MUSK: variants seen among roughly 807,000 people sequenced by gnomAD.
MUSK encodes muscle, skeletal receptor tyrosine-protein kinase.
Under a neutral mutation model 88.7 loss-of-function variants are expected in MUSK, and 55 were observed. The ratio of observed to expected loss-of-function variants is 0.62; its 90% CI spans 0.50 to 0.78. The LOEUF (loss-of-function observed/expected upper bound fraction) is 0.78, where lower values mean the gene tolerates loss of function less well. MUSK is among the 30% of genes least tolerant of loss of function. The pLI is 0.00. For synonymous variants in MUSK, 387 were observed against 391.9 expected (o/e 0.99, Z 0.15); for missense variants, 1,015 against 1,074.3 (o/e 0.94, Z 0.77).
chr9:110,781,546 G>T (rs897129261), intron 11 of MUSK, among the ~76,000 whole-genome samples: 1 of 152,154 alleles, frequency 6.6e-6, no homozygotes, highest in Non-Finnish European at 1.5e-5. Flanking sequence ...AAAGTGCTGG[G>T]ATTACAGGCG....
chr9:110,782,848 C>T (rs184615166), intron 11 of MUSK, among the ~76,000 whole-genome samples: 2 of 152,286 alleles, frequency 1.3e-5, no homozygotes, highest in South Asian at 4.1e-4. Flanking sequence ...ATGAGGCATG[C>T]TGTCACTGAT....
chr9:110,676,364 T>TATATATTATATA (rs777356764), intron 1 of MUSK, among the ~76,000 whole-genome samples: 301 of 124,354 alleles, frequency 2.4e-3, no homozygotes, highest in African/African-American at 7.7e-3. Flanking sequence ...TATTATATAT[T>TATATATTATATA]ATATATGTGT....
At chr9:110,689,917 ATATT>A (rs1397074100) in intron 3 of MUSK, among the ~76,000 whole-genome samples, 1 of 72,906 alleles carries the variant, frequency 1.4e-5, no homozygotes, top group Non-Finnish European at 2.6e-5. Context: ...ATAAAAATAC[ATATT>A]TAAATATAAT....
chr9:110,775,992 A>T (rs1439054857), intron 10 of MUSK, 29 bp downstream of exon 10: 1 of 1,557,488 alleles, frequency 6.4e-7, no homozygotes, highest in Admixed American at 2.0e-5. Flanking sequence ...AAGACTTTGG[A>T]GGTTAAGAGA....
chr9:110,690,066 G>GTAAGTATAAATATATAAATATATATTATA (rs1564218979), intron 3 of MUSK, among the ~76,000 whole-genome samples: 2 of 86,010 alleles, frequency 2.3e-5, no homozygotes, highest in South Asian at 8.1e-4. Context: ...TATATATTAT[G>GTAAGTATAAATATATAAATATATATTATA]TAAGTATAAA....
chr9:110,711,459 G>A (rs1277481333), intron 5 of MUSK, among the ~76,000 whole-genome samples: 1 of 152,148 alleles, frequency 6.6e-6, no homozygotes, highest in Non-Finnish European at 1.5e-5. Context: ...GGTTGTAAGG[G>A]AGGTCACTTT....
chr9:110,797,005 T>C (rs1430538706), intron 14 of MUSK, among the ~76,000 whole-genome samples: 1 of 57,988 alleles, frequency 1.7e-5, no homozygotes, highest in African/African-American at 7.8e-5. Context: ...TTGGGAGATA[T>C]ACCTAATGCT....
At chr9:110,679,943 T>G (rs2076086398) in intron 1 of MUSK, among the ~76,000 whole-genome samples, 1 of 152,148 alleles carries the variant, frequency 6.6e-6, no homozygotes, top group Admixed American at 6.6e-5. Flanking sequence ...AAATTTGTGA[T>G]TTTTTAATAT....
At chr9:110,764,603 T>TAGATTAGATAGATAGA (rs143325894) in intron 8 of MUSK, among the ~76,000 whole-genome samples, 37 of 149,004 alleles carry the variant, frequency 2.5e-4, no homozygotes, top group Admixed American at 3.3e-4. Context: ...GATAGATAGA[T>TAGATTAGATAGATAGA]TAGATAGATA....
intron 13 of MUSK, among the ~76,000 whole-genome samples, chr9:110,786,735 A>G (rs2821144): frequency 0.11 from 16,637 of 152,214 alleles, 2,215 homozygotes; most frequent in African/African-American, 0.32. Flanking sequence ...ATTAGGGCCA[A>G]TATTAGCCTA....
At chr9:110,786,355 A>G (rs923743022) in intron 13 of MUSK, among the ~76,000 whole-genome samples, 1 of 151,762 alleles carries the variant, frequency 6.6e-6, no homozygotes, top group Non-Finnish European at 1.5e-5. Flanking sequence ...AATTCTTTAC[A>G]TCATTAACCT....
rs2078158441 is a variant in MUSK, at chr9:110,806,097, T to C, written c.*5109T>C. ...TCATCTCTAGTCCCAGCCTAAGTGC[T>C]AACCACTTCACCCATTTATAGTGTT... On this transcript the variant is annotated 3_prime_UTR_variant, in exon 15 of 15. Coordinates refer to ENST00000374448, the MANE Select transcript of MUSK (RefSeq NM_005592.4). Among the ~76,000 whole-genome samples the C allele has an allele frequency of 6.6e-6, 1 of 152,172 alleles. No homozygotes were observed. The highest frequency in any genetic ancestry group is 2.1e-4 in the South Asian group (1 of 4,834).
intron 5 of MUSK, among the ~76,000 whole-genome samples, chr9:110,722,920 A>C (rs1366545212): frequency 6.6e-6 from 1 of 152,164 alleles, no homozygotes; most frequent in East Asian, 1.9e-4. Flanking sequence ...GAACACTTTT[A>C]TATTGTTGTT....
chr9:110,775,565 G>T, intron 9 of MUSK: 2 of 549,036 alleles, frequency 3.6e-6, no homozygotes, highest in Non-Finnish European at 6.5e-6. Flanking sequence ...AGCATTAATT[G>T]TGTTTCACAA....
chr9:110,676,625 C>T (rs2076034049), intron 1 of MUSK, among the ~76,000 whole-genome samples: 2 of 151,944 alleles, frequency 1.3e-5, no homozygotes. Flanking sequence ...TTGTTCAGTT[C>T]CCACTTATAA....
At chr9:110,689,730 T>TTATATATAAA (rs2076277136) in intron 3 of MUSK, among the ~76,000 whole-genome samples, 3 of 6,080 alleles carry the variant, frequency 4.9e-4, no homozygotes, top group African/African-American at 2.7e-3. Context: ...TTATATATAG[T>TTATATATAAA]TTATATATAA....
chr9:110,713,405 A>C (rs2076702179), intron 5 of MUSK, among the ~76,000 whole-genome samples: 1 of 151,962 alleles, frequency 6.6e-6, no homozygotes, highest in Non-Finnish European at 1.5e-5. Flanking sequence ...GATTACAGGC[A>C]TGTGCCACCA....
intron 1 of MUSK, 85 bp downstream of exon 1, chr9:110,669,068 A>G (rs2075924463): frequency 4.9e-6 from 6 of 1,213,096 alleles, no homozygotes; most frequent in South Asian, 2.4e-5. Context: ...ACTGATTTAT[A>G]GTATGGTGGG....
intron 2 of MUSK, among the ~76,000 whole-genome samples, chr9:110,686,814 T>A (rs913967542): frequency 1.3e-5 from 2 of 152,188 alleles, no homozygotes; most frequent in Admixed American, 1.3e-4. Flanking sequence ...GACACCTATG[T>A]CTTGGTTTTA....
Sources: gnomAD v4.1 joint callset for allele counts (sites outside exome capture counted in the v4.1 genomes callset) on GRCh38, gnomAD v4.1.1 for gene constraint, MANE v1.5 for transcripts, NCBI Gene and HGNC (gene_info 2026-07-23, HGNC 2026-07-21) for gene names.